The following CNOT4 variants were observed in gnomAD, a reference collection of about 807,000 sequenced individuals.
The protein encoded by CNOT4 is CCR4-NOT transcription complex subunit 4, also known as CCR4-associated factor 4.
A neutral mutation model predicts 73.8 loss-of-function variants in CNOT4; 8 were observed. The observed-to-expected ratio is 0.11, with a 90% CI of 0.06 to 0.20. CNOT4 has a LOEUF of 0.20. Ranked by LOEUF, CNOT4 falls within the 10% of genes least tolerant of loss-of-function variation. CNOT4 has a pLI of 1.00. For synonymous variants in CNOT4, 293 were observed against 321.1 expected (o/e 0.91, Z 0.94); for missense variants, 564 against 883.4 (o/e 0.64, Z 4.58).
At position 135,438,150 on chromosome 7, in the gene CNOT4, G is replaced by A. The variant is rs927198759; in HGVS notation, c.174+8C>T. 21 of 1,485,522 alleles carry A rather than the reference G, an allele frequency of 1.4e-5. No homozygotes were observed. The highest frequency in any genetic ancestry group is 2.0e-5 in the Non-Finnish European group (21 of 1,065,462). 92.0% of individuals were successfully genotyped at this position (1,485,522 alleles called of 1,614,324 possible). ...CAAATCACTGTGAAGTTATTTTGAA[G>A]TATTTACCTTTCTACATGCAGGACA... On this transcript the variant is annotated splice_region_variant and intron_variant, in intron 2 of 11. Transcript: ENST00000541284.
intron 1 of CNOT4, among the ~76,000 whole-genome samples, chr7:135,508,563 T>C (rs1240269717): frequency 3.9e-5 from 6 of 152,218 alleles, no homozygotes; most frequent in Non-Finnish European, 8.8e-5. Context: ...TTTATTCTGA[T>C]AACTATCATC....
At chr7:135,400,828 A>G (rs1464447380) in intron 7 of CNOT4, among the ~76,000 whole-genome samples, 1 of 152,194 alleles carries the variant, frequency 6.6e-6, no homozygotes, top group Non-Finnish European at 1.5e-5. Flanking sequence ...TGTATGTTCT[A>G]CTCAGTTTTA....
chr7:135,398,229 A>T lies in CNOT4; in HGVS notation c.822-3T>A. ...AATCTGAAGGTTTGTCAATGGGGCT[A>T]TAAAAAGAAAACAAATTGAATAAAA... On this transcript the variant is annotated splice_polypyrimidine_tract_variant and splice_region_variant and intron_variant, in intron 7 of 11. Coordinates refer to ENST00000541284, the MANE Select transcript of CNOT4 (RefSeq NM_001190850.2). 1 of 1,475,340 alleles carries T rather than the reference A, an allele frequency of 6.8e-7. No individual in the cohort carries two copies. Among genetic ancestry groups the T allele is most frequent in the Non-Finnish European group, 9.5e-7 (1 of 1,056,126 alleles). 91.4% of individuals were successfully genotyped at this position (1,475,340 alleles called of 1,614,324 possible).
At chr7:135,367,280 A>C (rs1301676760) in intron 10 of CNOT4, among the ~76,000 whole-genome samples, 1 of 152,204 alleles carries the variant, frequency 6.6e-6, no homozygotes, top group Non-Finnish European at 1.5e-5. Flanking sequence ...AAATAGTACC[A>C]GGACTTTGCC....
Position 135,362,828 on chromosome 7 carries a change from G to A in CNOT4, c.*57C>T, listed in dbSNP as rs767711864. Reference sequence around the variant, plus strand: ...AAGGGAGCTGTGGGTGGTGGGCTGAGAGGGAGAAAACAGAGTGGGACAAAT... The same window carrying A: ...AAGGGAGCTGTGGGTGGTGGGCTGAAAGGGAGAAAACAGAGTGGGACAAAT... On this transcript the variant is annotated 3_prime_UTR_variant, in exon 12 of 12. Coordinates refer to ENST00000541284, the MANE Select transcript of CNOT4 (RefSeq NM_001190850.2). 9.6e-6 allele frequency: 14 copies of A among 1,460,672 alleles called. No individual in the cohort carries two copies. Among genetic ancestry groups the A allele is most frequent in the Admixed American group, 3.3e-5 (2 of 59,806 alleles). 90.5% of individuals were successfully genotyped at this position (1,460,672 alleles called of 1,614,324 possible).
At position 135,392,814 on chromosome 7, in the gene CNOT4, G is replaced by A. The variant is rs78302262; in HGVS notation, c.1627+1104C>T. Among the ~76,000 whole-genome samples the A allele has an allele frequency of 6.9e-4, 105 of 152,112 alleles. 2 individuals carry two copies. The East Asian group carries it at 0.018, about 26-fold the overall frequency. Reference sequence around the variant, plus strand: ...CTCGTCTAAAACATGAAATATTGTCGGTCCCAAAGGGAACAGGGATAAAGA... The same window carrying A: ...CTCGTCTAAAACATGAAATATTGTCAGTCCCAAAGGGAACAGGGATAAAGA... On this transcript the variant is annotated intron_variant, in intron 10 of 11. Transcript: ENST00000541284.
chr7:135,422,493 A>T (rs1028803897), intron 2 of CNOT4, 140 bp from the exon 3 acceptor site: 86 of 540,150 alleles, frequency 1.6e-4, no homozygotes, highest in East Asian at 7.6e-4. Flanking sequence ...TGCTTAAAAA[A>T]TTTTTTTATT....
intron 1 of CNOT4, among the ~76,000 whole-genome samples, chr7:135,485,125 T>A (rs1585718143): frequency 6.6e-6 from 1 of 152,268 alleles, no homozygotes; most frequent in South Asian, 2.1e-4. Context: ...CAGGCTGGAG[T>A]GCAGTGGCAC....
Position 135,438,408 on chromosome 7 carries a change from G to T in CNOT4, c.-77C>A. 1 of 1,248,720 alleles carries T rather than the reference G, an allele frequency of 8.0e-7. No individual in the cohort carries two copies. The allele number at this position is 1,248,720 out of a possible 1,614,324, so 77.4% of individuals were successfully genotyped here. Reference sequence around the variant, plus strand: ...GAAGTTCAGCACTGAAAGCTAAAATGTAGGACTTTGACGACCTGCATGAGA... The same window carrying T: ...GAAGTTCAGCACTGAAAGCTAAAATTTAGGACTTTGACGACCTGCATGAGA... On this transcript the variant is annotated 5_prime_UTR_variant, in exon 2 of 12. Coordinates refer to ENST00000541284, the MANE Select transcript of CNOT4 (RefSeq NM_001190850.2).
intron 1 of CNOT4, chr7:135,444,766 G>A: frequency 1.3e-6 from 2 of 1,525,488 alleles, no homozygotes; most frequent in Non-Finnish European, 1.8e-6. Flanking sequence ...CATGGTCACT[G>A]GGGCCTTGGA....
chr7:135,494,620 C>CTGTTTG (rs1803340450), intron 1 of CNOT4, among the ~76,000 whole-genome samples: 2 of 151,976 alleles, frequency 1.3e-5, no homozygotes, highest in Non-Finnish European at 2.9e-5. Flanking sequence ...ACCTGGAATA[C>CTGTTTG]ATCAGGGATC....
chr7:135,504,517 C>T (rs1489616269), intron 1 of CNOT4, among the ~76,000 whole-genome samples: 2 of 89,994 alleles, frequency 2.2e-5, no homozygotes, highest in African/African-American at 5.2e-5. Flanking sequence ...GACGGAGTCT[C>T]GCTCTGTCGC....
intron 1 of CNOT4, among the ~76,000 whole-genome samples, chr7:135,467,940 G>T (rs578107842): frequency 2.0e-5 from 3 of 152,256 alleles, no homozygotes; most frequent in African/African-American, 7.2e-5. Flanking sequence ...GATCGGCCAG[G>T]CGTGGTGGCT....
At chr7:135,425,234 T>C (rs1798426165) in intron 2 of CNOT4, among the ~76,000 whole-genome samples, 1 of 152,234 alleles carries the variant, frequency 6.6e-6, no homozygotes, top group Non-Finnish European at 1.5e-5. Flanking sequence ...GGGACTTAGA[T>C]TTTTCTGAGA....
Position 135,423,331 on chromosome 7 carries a change from A to C in CNOT4, c.175-978T>G, listed in dbSNP as rs148270431. Among the ~76,000 whole-genome samples the C allele has an allele frequency of 5.5e-3, 832 of 151,438 alleles. 5 individuals are homozygous for C. Among genetic ancestry groups the C allele is most frequent in the Non-Finnish European group, 9.9e-3 (670 of 67,852 alleles). ...AAATTGGCACCTATCAGAATACAAG[A>C]GTGGGGAACAACAGAAATAATGCCA... On this transcript the variant is annotated intron_variant, in intron 2 of 11. Coordinates refer to ENST00000541284, the MANE Select transcript of CNOT4 (RefSeq NM_001190850.2).
chr7:135,458,809 A>G (rs1040483176), intron 1 of CNOT4, among the ~76,000 whole-genome samples: 1 of 151,938 alleles, frequency 6.6e-6, no homozygotes, highest in Admixed American at 6.6e-5. Flanking sequence ...TTTCTACCAT[A>G]TCTGCAGTTA....
chr7:135,442,921 T>A (rs1799575519), intron 1 of CNOT4, among the ~76,000 whole-genome samples: 1 of 151,504 alleles, frequency 6.6e-6, no homozygotes. Context: ...TAGCCAAGTA[T>A]GGTGTTGTGT....
chr7:135,502,816 CA>C (rs56358299), intron 1 of CNOT4, among the ~76,000 whole-genome samples: 1,793 of 59,142 alleles, frequency 0.03, 20 homozygotes, highest in East Asian at 0.12. Context: ...AACTCCATCT[CA>C]AAAAAAAAAA....
intron 2 of CNOT4, among the ~76,000 whole-genome samples, chr7:135,430,014 A>G (rs1305747199): frequency 6.6e-6 from 1 of 152,216 alleles, no homozygotes; most frequent in Non-Finnish European, 1.5e-5. Context: ...ACATACAGGA[A>G]TATTGTGATA....
Sources: allele counts gnomAD v4.1 joint callset (sites outside exome capture counted in the v4.1 genomes callset), GRCh38; gene constraint gnomAD v4.1.1; transcripts MANE v1.5; gene names NCBI Gene and HGNC (gene_info 2026-07-23, HGNC 2026-07-21).